SCHIP1: variants seen among roughly 807,000 people sequenced by gnomAD.
The protein encoded by SCHIP1 is schwannomin interacting protein 1.
A neutral mutation model predicts 29.7 loss-of-function variants in SCHIP1; 8 were observed. That is an observed-to-expected ratio of 0.27 (90% CI 0.16 to 0.49). The LOEUF is 0.49. SCHIP1 is among the 20% of genes least tolerant of loss of function. SCHIP1 has a pLI of 0.99. For missense variants in SCHIP1, 193 were observed against 294.6 expected (o/e 0.66, Z 2.52); for synonymous variants, 76 against 94.9 (o/e 0.80, Z 1.16).
At chr3:159,456,984 A>G in the SCHIP1 span, among the ~76,000 whole-genome samples, 36 of 152,220 alleles carry the variant, frequency 2.4e-4, no homozygotes, top group African/African-American at 8.4e-4. Context: ...AGTTTATCTA[A>G]TTAGCGTGGC....
chr3:159,716,684 G>A, the SCHIP1 span, among the ~76,000 whole-genome samples: 2 of 152,142 alleles, frequency 1.3e-5, no homozygotes, highest in South Asian at 2.1e-4. Flanking sequence ...AACAAGAAGC[G>A]CTAACTATCC....
the SCHIP1 span, among the ~76,000 whole-genome samples, chr3:159,612,344 T>C: frequency 2.0e-5 from 3 of 152,204 alleles, no homozygotes; most frequent in African/African-American, 7.2e-5. Context: ...ATGCACTCTA[T>C]AGAAAATTAA....
the SCHIP1 span, among the ~76,000 whole-genome samples, chr3:159,617,318 T>C: frequency 6.6e-6 from 1 of 152,210 alleles, no homozygotes; most frequent in African/African-American, 2.4e-5. Context: ...GATCTTTCCC[T>C]GCCTCCCTGT....
chr3:159,816,566 C>T, the SCHIP1 span, among the ~76,000 whole-genome samples: 1 of 152,202 alleles, frequency 6.6e-6, no homozygotes. Flanking sequence ...GGAGCCAGCC[C>T]GGCCTCTGCC....
the SCHIP1 span, among the ~76,000 whole-genome samples, chr3:159,624,881 A>G: frequency 6.6e-6 from 1 of 152,174 alleles, no homozygotes; most frequent in African/African-American, 2.4e-5. Context: ...GCCTGAGCCT[A>G]AACTTGTAGC....
the SCHIP1 span, among the ~76,000 whole-genome samples, chr3:159,552,032 C>CTT: frequency 2.3e-3 from 239 of 103,556 alleles, 5 homozygotes; most frequent in African/African-American, 3.9e-3. Context: ...TGCCACATTG[C>CTT]TTTTTTTTTT....
the SCHIP1 span, among the ~76,000 whole-genome samples, chr3:159,629,323 T>C: frequency 6.6e-6 from 1 of 152,088 alleles, no homozygotes; most frequent in Non-Finnish European, 1.5e-5. Flanking sequence ...AACACTGAAT[T>C]TTCTTTTTCT....
At chr3:159,500,954 G>A in the SCHIP1 span, among the ~76,000 whole-genome samples, 1 of 151,980 alleles carries the variant, frequency 6.6e-6, no homozygotes, top group Non-Finnish European at 1.5e-5. Context: ...CACAAATTAG[G>A]CCTTAATTCT....
the SCHIP1 span, among the ~76,000 whole-genome samples, chr3:159,612,259 C>T: frequency 1.2e-4 from 18 of 151,574 alleles, no homozygotes; most frequent in East Asian, 7.8e-4. Flanking sequence ...AAAATTTAAA[C>T]GAAAAGAATT....
the SCHIP1 span, among the ~76,000 whole-genome samples, chr3:159,423,257 T>C: frequency 1.3e-5 from 2 of 152,358 alleles, no homozygotes; most frequent in East Asian, 3.9e-4. Context: ...GGCGAGGCAT[T>C]GCCTCACTCG....
chr3:159,713,268 GAAAGAA>G, the SCHIP1 span, among the ~76,000 whole-genome samples: 1 of 147,094 alleles, frequency 6.8e-6, no homozygotes, highest in Non-Finnish European at 1.5e-5. Context: ...AAGAAAGAAA[GAAAGAA>G]AGAAAGAAAG....
At chr3:159,649,174 A>T in the SCHIP1 span, among the ~76,000 whole-genome samples, 1 of 152,030 alleles carries the variant, frequency 6.6e-6, no homozygotes, top group Non-Finnish European at 1.5e-5. Flanking sequence ...ATTTGCTTCC[A>T]TTGCTTTGTA....
rs146872949 is a variant in SCHIP1 at position 159,870,504 on chromosome 3, T to A, written c.149+4223T>A. Reference sequence around the variant, plus strand: ...AAAAAGTACAATTTCACTCTGTTAATCTATTATATGAATTAATGAATTACA... The same window carrying A: ...AAAAAGTACAATTTCACTCTGTTAAACTATTATATGAATTAATGAATTACA... On this transcript the variant is annotated intron_variant, in intron 2 of 6. Coordinates refer to ENST00000445224, the Ensembl canonical transcript of SCHIP1. Among the ~76,000 whole-genome samples the A allele has an allele frequency of 2.1e-3, 318 of 152,168 alleles. 2 individuals are homozygous for A. Among genetic ancestry groups the A allele is most frequent in the African/African-American group, 7.2e-3 (299 of 41,570 alleles).
At chr3:159,609,557 C>G in the SCHIP1 span, among the ~76,000 whole-genome samples, 20 of 152,118 alleles carry the variant, frequency 1.3e-4, no homozygotes, top group Admixed American at 1.2e-3. Flanking sequence ...GGCCTCGTGA[C>G]TAAGGTTCAA....
At chr3:159,790,303 C>G in the SCHIP1 span, among the ~76,000 whole-genome samples, 2 of 152,200 alleles carry the variant, frequency 1.3e-5, no homozygotes, top group Non-Finnish European at 2.9e-5. Flanking sequence ...GAAAGAGGAA[C>G]TTGAGCAGCA....
At chr3:159,288,131 G>A in the SCHIP1 span, among the ~76,000 whole-genome samples, 2 of 152,084 alleles carry the variant, frequency 1.3e-5, no homozygotes, top group Admixed American at 6.6e-5. Context: ...CATGTCATAC[G>A]AGTTCAAGTC....
chr3:159,667,566 G>A, the SCHIP1 span, among the ~76,000 whole-genome samples: 1 of 152,182 alleles, frequency 6.6e-6, no homozygotes, highest in Non-Finnish European at 1.5e-5. Flanking sequence ...GACACAGGTA[G>A]TGGGCATGGG....
the SCHIP1 span, among the ~76,000 whole-genome samples, chr3:159,342,741 G>T: frequency 9.9e-5 from 15 of 152,228 alleles, 1 homozygote; most frequent in African/African-American, 3.6e-4. Flanking sequence ...TTTTATTTTA[G>T]AATGCTTCAC....
the SCHIP1 span, among the ~76,000 whole-genome samples, chr3:159,601,976 G>C: frequency 2.6e-4 from 39 of 152,286 alleles, no homozygotes; most frequent in African/African-American, 8.7e-4. Context: ...TACCCGTTTA[G>C]GTCTCATAGG....
Sources: gnomAD v4.1 joint callset for allele counts (sites outside exome capture counted in the v4.1 genomes callset) on GRCh38, gnomAD v4.1.1 for gene constraint, MANE v1.5 for transcripts, NCBI Gene and HGNC (gene_info 2026-07-23, HGNC 2026-07-21) for gene names.